Variants in CA12 observed in about 807,000 individuals in gnomAD.
CA12 encodes the protein carbonate dehydratase XII.
CA12 carries 36 observed loss-of-function variants against 46.8 expected under a neutral mutation model. The ratio of observed to expected loss-of-function variants is 0.77; its 90% CI spans 0.59 to 1.02. The LOEUF (loss-of-function observed/expected upper bound fraction) is 1.02, where lower values mean the gene tolerates loss of function less well. Among genes scored for constraint, CA12 ranks in the 50% least tolerant of loss-of-function variants. CA12 has a pLI of 0.00. For synonymous variants in CA12, 202 were observed against 187.0 expected, an observed-to-expected ratio of 1.08 and a Z score of -0.65; for missense variants, 436 against 451.4, an observed-to-expected ratio of 0.97 and a Z score of 0.31.
In CA12 at chr15:63,329,999, G is replaced by A. The variant is rs2038915110; in HGVS notation, c.875-1869C>T. ...TGGCTTCCCCAGGTGGCACCGGGCT[G>A]CTGTGAGGGTTAGCAGAGCAGGCAG... On this transcript the variant is annotated intron_variant, in intron 8 of 10. Transcript: ENST00000178638. The surrounding 1 kb of genome is among the most constrained non-coding windows in gnomAD (Gnocchi z 4.8). Among the ~76,000 whole-genome samples, 1 of 152,246 alleles carries A rather than the reference G, an allele frequency of 6.6e-6. No homozygotes were observed. Among genetic ancestry groups the A allele is most frequent in the South Asian group, 2.1e-4 (1 of 4,834 alleles).
Position 63,345,011 on chromosome 15 carries a change from G to A in CA12, c.429+466C>T, listed in dbSNP as rs896661183. ...GGTAGAAGGGTGGCCCTAGACCCAT[G>A]TCCCCATGTTCTAAACACAACCCAT... On this transcript the variant is annotated intron_variant, in intron 4 of 10. Coordinates refer to ENST00000178638, the MANE Select transcript of CA12 (RefSeq NM_001218.5). This position sits in a 1 kb window ranked among gnomAD's most constrained non-coding sequence, Gnocchi z 4.3. Among the ~76,000 whole-genome samples, 1 of 152,104 alleles carries A rather than the reference G, an allele frequency of 6.6e-6. No individual in the cohort carries two copies. The highest frequency in any genetic ancestry group is 1.5e-5 in the Non-Finnish European group (1 of 68,038).
At chr15:63,337,046 C>A (rs1039677151) in intron 8 of CA12, among the ~76,000 whole-genome samples, 11 of 152,220 alleles carry the variant, frequency 7.2e-5, no homozygotes, top group Non-Finnish European at 7.3e-5. Flanking sequence ...ATAACAGATA[C>A]ATTCCATGCA....
chr15:63,376,985 G>A (rs578096533), intron 1 of CA12, among the ~76,000 whole-genome samples: 1 of 152,304 alleles, frequency 6.6e-6, no homozygotes, highest in Admixed American at 6.5e-5. Context: ...CCACATCTGA[G>A]TTAGAATTCC....
rs181135419 is a variant in CA12 at position 63,376,319 on chromosome 15, A to G, written c.86-641T>C. 3.3e-5 allele frequency among the ~76,000 whole-genome samples: 5 copies of G among 152,306 alleles called. No homozygotes were observed. The East Asian group carries it at 7.7e-4, about 24-fold the overall frequency. On this transcript the variant is annotated intron_variant, in intron 1 of 10. Transcript: ENST00000178638. ...GTGGCTCAAAACCCAAAAGCCATCA[A>G]ATGGTATATACAGTAGAAGCTCTTC...
rs986957346 is a variant in CA12 at position 63,341,948 on chromosome 15, C to G, written c.525+54G>C. The G allele has an allele frequency of 3.2e-6, 4 of 1,263,642 alleles. No individual in the cohort carries two copies. The African/African-American group carries it at 5.9e-5, about 19-fold the overall frequency. The allele number at this position is 1,263,642 out of a possible 1,614,324, so 78.3% of individuals were successfully genotyped here. ...TATGCATGGAACAAAAGGTGGAATC[C>G]CAATCTCATCCCTGCTTCAAATTTC... On this transcript the variant is annotated intron_variant, in intron 5 of 10. Transcript: ENST00000178638. The surrounding 1 kb of genome is among the most constrained non-coding windows in gnomAD (Gnocchi z 5.2).
At chr15:63,380,153 C>T (rs2039626582) in intron 1 of CA12, among the ~76,000 whole-genome samples, 1 of 152,200 alleles carries the variant, frequency 6.6e-6, no homozygotes, top group African/African-American at 2.4e-5. Flanking sequence ...AAGCTGTGCT[C>T]TACCCAGGGG....
rs971433233 is a variant in CA12, at chr15:63,374,874, C to T, written c.106+784G>A. 3.9e-5 allele frequency among the ~76,000 whole-genome samples: 6 copies of T among 152,314 alleles called. No individual in the cohort carries two copies. The highest frequency in any genetic ancestry group is 3.9e-4 in the East Asian group (2 of 5,188). On this transcript the variant is annotated intron_variant, in intron 2 of 10. Transcript: ENST00000178638. The surrounding 1 kb of genome is among the most constrained non-coding windows in gnomAD (Gnocchi z 4.4). ...TCCACCCTTCTGCTACCAAAACAAT[C>T]GATCTTGTGCATCTTCTGTGGCTGT...
intron 1 of CA12, among the ~76,000 whole-genome samples, chr15:63,380,523 G>A (rs1238533296): frequency 6.6e-6 from 1 of 152,170 alleles, no homozygotes; most frequent in East Asian, 1.9e-4. Context: ...TAAAGTTTGT[G>A]GTTTTAAAAC....
At chr15:63,361,539 C>T (rs1357065130) in intron 2 of CA12, among the ~76,000 whole-genome samples, 1 of 152,154 alleles carries the variant, frequency 6.6e-6, no homozygotes, top group Non-Finnish European at 1.5e-5. Flanking sequence ...CAGGACAGTC[C>T]TGCACAACAG....
At chr15:63,349,618 T>C (rs1333489466) in intron 2 of CA12, among the ~76,000 whole-genome samples, 1 of 152,192 alleles carries the variant, frequency 6.6e-6, no homozygotes, top group Non-Finnish European at 1.5e-5. Flanking sequence ...AATTGCACCA[T>C]TTTATGGGTG....
rs1451094298 is a variant in CA12, at chr15:63,322,272, TAA to T, written c.*4011_*4012del. 1 of 152,098 alleles carries T rather than the reference TAA, an allele frequency of 6.6e-6. No homozygotes were observed. The highest frequency in any genetic ancestry group is 6.5e-5 in the Admixed American group (1 of 15,276). The allele number at this position is 152,098 out of a possible 1,614,324, so 9.4% of individuals were successfully genotyped here. A position where few individuals can be genotyped will look rare whatever the true frequency, so the allele number is the denominator to read the frequency against. ...ATCTGAATCGAGTGTGCTGTCAGTG[TAA>T]AACACACACCAGATTTCAAAGATTT... On this transcript the variant is annotated 3_prime_UTR_variant, in exon 11 of 11. Transcript: ENST00000178638. This position sits in a 1 kb window ranked among gnomAD's most constrained non-coding sequence, Gnocchi z 4.1.
At chr15:63,368,368 C>T (rs2039461160) in intron 2 of CA12, among the ~76,000 whole-genome samples, 1 of 152,166 alleles carries the variant, frequency 6.6e-6, no homozygotes, top group Non-Finnish European at 1.5e-5. Context: ...CCAGCAGTTG[C>T]CCCTGCGAAG....
intron 2 of CA12, among the ~76,000 whole-genome samples, chr15:63,351,749 C>T (rs984402401): frequency 1.3e-5 from 2 of 152,210 alleles, no homozygotes; most frequent in African/African-American, 2.4e-5. Flanking sequence ...TTGAACTTCT[C>T]GGCCAGCCTA....
intron 2 of CA12, among the ~76,000 whole-genome samples, chr15:63,365,817 TC>T (rs1293792840): frequency 1.3e-5 from 2 of 152,098 alleles, no homozygotes; most frequent in Admixed American, 1.3e-4. Context: ...AAAATGCTAA[TC>T]CCAGTTTGTC....
chr15:63,380,919 C>A (rs1223979294), intron 1 of CA12, among the ~76,000 whole-genome samples: 1 of 152,220 alleles, frequency 6.6e-6, no homozygotes, highest in Non-Finnish European at 1.5e-5. Context: ...GTCCCCTCTG[C>A]CACCTCCTCC....
In CA12 at chr15:63,329,445, C is replaced by G. The variant is rs541690624; in HGVS notation, c.875-1315G>C. Among the ~76,000 whole-genome samples, 23 of 152,292 alleles carry G rather than the reference C, an allele frequency of 1.5e-4. No homozygotes were observed. The South Asian group carries it at 3.7e-3, about 25-fold the overall frequency. On this transcript the variant is annotated intron_variant, in intron 8 of 10. Transcript: ENST00000178638. The surrounding 1 kb of genome is among the most constrained non-coding windows in gnomAD (Gnocchi z 4.8). ...CCAGTCATGAAGTCTCCCCTGAAAA[C>G]CCTCAGCCTGTTTTTTCCAAGGTTC...
chr15:63,345,457 A>G lies in CA12; in HGVS notation c.429+20T>C, dbSNP rs1050270800. The G allele has an allele frequency of 8.7e-6, 14 of 1,603,450 alleles. No individual in the cohort carries two copies. The highest frequency in any genetic ancestry group is 1.7e-5 in the Admixed American group (1 of 59,988). On this transcript the variant is annotated intron_variant, in intron 4 of 10. Transcript: ENST00000178638. This position sits in a 1 kb window ranked among gnomAD's most constrained non-coding sequence, Gnocchi z 4.3. ...CACCCACTGCAGAGCAGCCTCTGCC[A>G]GACTGGCAGCCCTACTTACCTCGGC...
rs1338132473 is a variant in CA12, at chr15:63,372,524, C to T, written c.106+3134G>A. On this transcript the variant is annotated intron_variant, in intron 2 of 10. Transcript: ENST00000178638. The surrounding 1 kb of genome is among the most constrained non-coding windows in gnomAD (Gnocchi z 4.5). Reference sequence around the variant, plus strand: ...CCATGTGTGCCAGACAGTGGGAGGCCCCTGGAGAATGACTCAGCAGTGTAC... The same window carrying T: ...CCATGTGTGCCAGACAGTGGGAGGCTCCTGGAGAATGACTCAGCAGTGTAC... 6.6e-6 allele frequency among the ~76,000 whole-genome samples: 1 copy of T among 152,144 alleles called. No individual in the cohort carries two copies. The highest frequency in any genetic ancestry group is 2.4e-5 in the African/African-American group (1 of 41,438).
intron 2 of CA12, among the ~76,000 whole-genome samples, chr15:63,353,128 T>C (rs2039254637): frequency 6.6e-6 from 1 of 152,010 alleles, no homozygotes; most frequent in African/African-American, 2.4e-5. Context: ...AGACTGATAA[T>C]AAATAACAAG....
Sources: allele counts gnomAD v4.1 joint callset (sites outside exome capture counted in the v4.1 genomes callset), GRCh38; gene constraint gnomAD v4.1.1; non-coding constraint Gnocchi (gnomAD v3.1); transcripts MANE v1.5; gene names NCBI Gene and HGNC (gene_info 2026-07-23, HGNC 2026-07-21).